NCAPH2: variants seen among roughly 807,000 people sequenced by gnomAD.
NCAPH2 encodes the protein condensin-2 complex subunit H2.
A neutral mutation model predicts 88.6 loss-of-function variants in NCAPH2; 56 were observed. The observed-to-expected ratio is 0.63, with a 90% CI of 0.51 to 0.79. The LOEUF (loss-of-function observed/expected upper bound fraction) is 0.79. Among genes scored for constraint, NCAPH2 ranks in the 30% least tolerant of loss-of-function variants. NCAPH2 has a pLI of 0.00. For missense variants in NCAPH2, 794 were observed against 792.0 expected (o/e 1.00, Z -0.03); for synonymous variants, 378 against 313.6 (o/e 1.21, Z -2.17).
At position 50,523,082 on chromosome 22, in the gene NCAPH2, CAAT is replaced by C. The variant is rs1412750029; in HGVS notation, c.1594_1596del (p.Asn532del). Reference sequence around the variant, plus strand: ...AGCTGGTCTCACGGTTCCCCCAGCTCAATGAGTGGTGTCCCTTTGCGGAGCTGG... The same window carrying C: ...AGCTGGTCTCACGGTTCCCCCAGCTCGAGTGGTGTCCCTTTGCGGAGCTGG... On this transcript the variant is annotated inframe_deletion, in exon 19 of 20. Transcript: ENST00000420993. 5 of 1,611,462 alleles carry C rather than the reference CAAT, an allele frequency of 3.1e-6. No homozygotes were observed. The highest frequency in any genetic ancestry group is 4.2e-6 in the Non-Finnish European group (5 of 1,178,318).
intron 1 of NCAPH2, among the ~76,000 whole-genome samples, chr22:50,510,986 A>G (rs2148655516): frequency 6.7e-6 from 1 of 149,154 alleles, no homozygotes; most frequent in Non-Finnish European, 1.5e-5. Context: ...AGCTGGGACT[A>G]CAGGCACCTG....
Position 50,522,036 on chromosome 22 carries a change from G to C in NCAPH2, c.1159G>C (p.Ala387Pro), listed in dbSNP as rs2069117592. ...RRLRRKGPSF[A>P]DMEVLYWTHV... is the part of the protein sequence containing the mutation. Reference sequence around the variant, plus strand: ...GCTTCGGCGAAAGGGTCCGTCCTTTGCAGGTGAGGCTGAAGTCCTCGGGGA... The same window carrying C: ...GCTTCGGCGAAAGGGTCCGTCCTTTCCAGGTGAGGCTGAAGTCCTCGGGGA... The change falls in exon 13 of 20, where the codon GCA becomes CCA. Residue 387 changes from alanine (A) to proline (P), a missense_variant. Physicochemically the swap from Ala to Pro is conservative, Grantham distance 27. This residue lies in a region of NCAPH2 where 735 missense variants were observed against 696.3 expected (regional missense o/e 1.06). Transcript: ENST00000420993. 6.2e-7 allele frequency: 1 copy of C among 1,613,936 alleles called. No homozygotes were observed.
At position 50,519,285 on chromosome 22, in the gene NCAPH2, G is replaced by T. The variant is rs553964471; in HGVS notation, c.826G>T (p.Ala276Ser). The T allele has an allele frequency of 2.5e-6, 4 of 1,606,592 alleles. No individual in the cohort carries two copies. Among genetic ancestry groups the T allele is most frequent in the African/African-American group, 2.7e-5 (2 of 74,844 alleles). ...ELPEASAPKA[A>S]LEPKESRSPQ... ...TCCTGAGGCCTCGGCCCCCAAGGCC[G>T]CTCTGGAGCCCAAGGAGTCCAGGAG... Residue 276 changes from alanine to serine, a missense_variant, in exon 9 of 20, where the codon GCT (alanine) becomes TCT (serine). Ala to Ser is a moderately conservative substitution (Grantham distance 99, BLOSUM62 1). Coordinates refer to ENST00000420993, the MANE Select transcript of NCAPH2 (RefSeq NM_152299.4).
chr22:50,516,658 C>T (rs1487251231), intron 2 of NCAPH2, 110 bp downstream of exon 2: 2 of 917,148 alleles, frequency 2.2e-6, no homozygotes, highest in Non-Finnish European at 3.5e-6. Flanking sequence ...CTACCTCCCT[C>T]TCTCCTCAGG....
intron 9 of NCAPH2, 27 bp from the exon 10 acceptor site, chr22:50,520,938 G>A: frequency 6.5e-7 from 1 of 1,550,260 alleles, no homozygotes; most frequent in Non-Finnish European, 8.7e-7. Context: ...AAGAGGAGAA[G>A]TGGGGACCCT....
chr22:50,509,400 C>T lies in NCAPH2; in HGVS notation c.108+955C>T, dbSNP rs1423485352. On this transcript the variant is annotated intron_variant, in intron 1 of 19. Coordinates refer to ENST00000420993, the MANE Select transcript of NCAPH2 (RefSeq NM_152299.4). ...AACTCTTCATTTTTCTGCTTAAACC[C>T]CAGCTTTTCCCATCTCGGAAAATGA... Among the ~76,000 whole-genome samples, 3 of 152,128 alleles carry T rather than the reference C, an allele frequency of 2.0e-5. No individual in the cohort carries two copies. The East Asian group carries it at 5.8e-4, about 29-fold the overall frequency.
Position 50,522,018 on chromosome 22 carries a change from C to T in NCAPH2, c.1141C>T (p.Arg381Ter), listed in dbSNP as rs1310524877. Residue 381 changes from arginine to a stop codon, truncating the protein, a stop_gained, in exon 13 of 20, where the codon CGA (arginine) becomes TGA (stop). Coordinates refer to ENST00000420993, the MANE Select transcript of NCAPH2 (RefSeq NM_152299.4). LOFTEE classifies it high-confidence loss of function. ...CCATGCCGACAGCAGGCGGCTTCGG[C>T]GAAAGGGTCCGTCCTTTGCAGGTGA... is the stretch of plus-strand genomic sequence containing the variant. ...ADHADSRRLR[R>*]KGPSFADMEV... is the part of the protein sequence containing the mutation. The T allele has an allele frequency of 4.3e-6, 7 of 1,614,008 alleles. No homozygotes were observed. Among genetic ancestry groups the T allele is most frequent in the Non-Finnish European group, 5.1e-6 (6 of 1,179,968 alleles).
At chr22:50,516,654 C>T (rs1434759162) in intron 2 of NCAPH2, 106 bp downstream of exon 2, 3 of 948,036 alleles carry the variant, frequency 3.2e-6, no homozygotes, top group Admixed American at 4.1e-5. Flanking sequence ...TGACCTACCT[C>T]CCTCTCTCCT....
At chr22:50,519,169 A>G (rs45499897) in intron 8 of NCAPH2, 21 bp from the exon 9 acceptor site, 86,845 of 1,586,652 alleles carry the variant, frequency 0.055, 2,592 homozygotes, top group Middle Eastern at 0.14. Context: ...GGAGCTGATC[A>G]CTCTCTTGCT....
At position 50,524,056 on chromosome 22, in the gene NCAPH2, A is replaced by G; in HGVS notation, c.*681A>G. 1 of 1,613,314 alleles carries G rather than the reference A, an allele frequency of 6.2e-7. No individual in the cohort carries two copies. Among genetic ancestry groups the G allele is most frequent in the Non-Finnish European group, 8.5e-7 (1 of 1,180,002 alleles). On this transcript the variant is annotated 3_prime_UTR_variant, in exon 20 of 20. Coordinates refer to ENST00000420993, the MANE Select transcript of NCAPH2 (RefSeq NM_152299.4). ...GTACATCAGCACCCACTGGCCCCGG[A>G]AGTCAGCCTTGCAGCGAGCCCGGCC...
intron 13 of NCAPH2, 31 bp downstream of exon 13, chr22:50,522,070 T>G: frequency 1.2e-6 from 2 of 1,613,802 alleles, no homozygotes; most frequent in Non-Finnish European, 1.7e-6. Context: ...GAAGACAGTT[T>G]TACTCTCCTT....
At chr22:50,519,632 G>A in intron 9 of NCAPH2, 1 of 1,195,526 alleles carries the variant, frequency 8.4e-7, no homozygotes, top group Non-Finnish European at 1.0e-6. Context: ...CTCTGCAGTC[G>A]GGCTGGTAGG....
At chr22:50,514,031 C>T (rs2068853452) in intron 1 of NCAPH2, among the ~76,000 whole-genome samples, 1 of 152,016 alleles carries the variant, frequency 6.6e-6, no homozygotes, top group South Asian at 2.1e-4. Flanking sequence ...TACTTGAACC[C>T]AGGAGGCGGA....
chr22:50,509,945 TTTTGAGACGGAGTCTCAC>T (rs1180420501), intron 1 of NCAPH2, among the ~76,000 whole-genome samples: 5 of 152,334 alleles, frequency 3.3e-5, no homozygotes, highest in Middle Eastern at 3.4e-3. Context: ...TATTTATATA[TTTTGAGACGGAGTCTCAC>T]TCTGAGACGG....
In NCAPH2 at chr22:50,508,249, A is replaced by C. The variant is rs1255862740; in HGVS notation, c.-89A>C. 2.0e-6 allele frequency: 2 copies of C among 1,012,248 alleles called. No homozygotes were observed. Among genetic ancestry groups the C allele is most frequent in the African/African-American group, 3.5e-5 (2 of 57,392 alleles). The allele number at this position is 1,012,248 out of a possible 1,614,324, so 62.7% of individuals were successfully genotyped here. The stretch of plus-strand genomic sequence containing the variant: ...GCATTTTCCTGGGCGGGAACAGCAA[A>C]ATGGCGCCAGAACTAGTGGCGGGCT... On this transcript the variant is annotated 5_prime_UTR_variant, in exon 1 of 20. Coordinates refer to ENST00000420993, the MANE Select transcript of NCAPH2 (RefSeq NM_152299.4).
In NCAPH2 at chr22:50,524,109, C is replaced by G. The variant is rs141551295; in HGVS notation, c.*734C>G. ...TGTGATCCAGCAGGTGGAAGTCGCCCTGGCCCACAGCTGCCTGGCGCAGGG... is the reference window on the plus strand; with the variant it reads ...TGTGATCCAGCAGGTGGAAGTCGCCGTGGCCCACAGCTGCCTGGCGCAGGG... On this transcript the variant is annotated 3_prime_UTR_variant, in exon 20 of 20. Coordinates refer to ENST00000420993, the MANE Select transcript of NCAPH2 (RefSeq NM_152299.4). 2.0e-4 allele frequency: 320 copies of G among 1,612,832 alleles called. No homozygotes were observed. Among genetic ancestry groups the G allele is most frequent in the Non-Finnish European group, 2.6e-4 (302 of 1,180,034 alleles).
At chr22:50,509,596 G>A (rs2068730324) in intron 1 of NCAPH2, among the ~76,000 whole-genome samples, 3 of 152,152 alleles carry the variant, frequency 2.0e-5, no homozygotes, top group Admixed American at 1.3e-4. Flanking sequence ...CTGGATTTGT[G>A]TAAAACCTTC....
At position 50,523,538 on chromosome 22, in the gene NCAPH2, C is replaced by G; in HGVS notation, c.*163C>G. ...AAGAGGGCTGCCTGGCCTCCCTGGG[C>G]CGCTGGTACAGATCACACACACACA... On this transcript the variant is annotated 3_prime_UTR_variant, in exon 20 of 20. Coordinates refer to ENST00000420993, the MANE Select transcript of NCAPH2 (RefSeq NM_152299.4). 1 of 1,578,776 alleles carries G rather than the reference C, an allele frequency of 6.3e-7. No individual in the cohort carries two copies. Among genetic ancestry groups the G allele is most frequent in the Non-Finnish European group, 8.6e-7 (1 of 1,159,738 alleles).
intron 7 of NCAPH2, 83 bp downstream of exon 7, chr22:50,518,361 C>A: frequency 6.5e-7 from 1 of 1,544,508 alleles, no homozygotes. Context: ...CTGTGCTTGC[C>A]ACCTCTGGTC....
Sources: gnomAD v4.1 joint callset for allele counts (sites outside exome capture counted in the v4.1 genomes callset) on GRCh38, gnomAD v4.1.1 for gene constraint, gnomAD v4.1.1 regional missense constraint, MANE v1.5 for transcripts, NCBI Gene and HGNC (gene_info 2026-07-23, HGNC 2026-07-21) for gene names.